Variants in CYP3A4 observed in about 807,000 individuals in gnomAD.
The protein encoded by CYP3A4 is cytochrome P450 family 3 subfamily A member 4.
Under a neutral mutation model 54.9 loss-of-function variants are expected in CYP3A4, and 41 were observed. That is an observed-to-expected ratio of 0.75 (90% CI 0.58 to 0.97). The LOEUF (loss-of-function observed/expected upper bound fraction) is 0.97. Among genes scored for constraint, CYP3A4 ranks in the 50% least tolerant of loss-of-function variants. The probability of loss-of-function intolerance (pLI) is 0.00; values close to 1 mark genes in which losing one functional copy is unlikely to be tolerated. For missense variants in CYP3A4, 510 were observed against 597.3 expected, an observed-to-expected ratio of 0.85 and a Z score of 1.52; for synonymous variants, 179 against 205.2, an observed-to-expected ratio of 0.87 and a Z score of 1.09.
At chr7:99,761,377 T>TGTC (rs1424311129) in intron 11 of CYP3A4, among the ~76,000 whole-genome samples, 2 of 152,056 alleles carry the variant, frequency 1.3e-5, no homozygotes, top group Non-Finnish European at 2.9e-5. Context: ...AAGGGGAAAT[T>TGTC]GTCTTGTACT....
In CYP3A4 at chr7:99,766,375, A is replaced by G. The variant is rs1327039307; in HGVS notation, c.865+2T>C. 1.2e-6 allele frequency: 2 copies of G among 1,613,576 alleles called. No homozygotes were observed. ...AGTAGCCCTCAGAAACACTCTGGTT[A>G]CCTTTGTGGGACTCAGTTTCTTTTG... On this transcript the variant is annotated splice_donor_variant, in intron 9 of 12. Transcript: ENST00000651514. LOFTEE classifies it high-confidence loss of function.
Position 99,767,237 on chromosome 7 carries a change from G to T in CYP3A4, c.692C>A (p.Pro231Gln). 1 of 1,598,650 alleles carries T rather than the reference G, an allele frequency of 6.3e-7. No homozygotes were observed. The highest frequency in any genetic ancestry group is 1.1e-5 in the South Asian group (1 of 87,192). Residue 231 changes from proline (P) to glutamine (Q), a missense_variant, in exon 8 of 13, where the codon CCA (proline) becomes CAA (glutamine). By Grantham distance (76) the Pro-to-Gln change is moderately conservative. Around this residue, in one of 2 missense-constraint regions of CYP3A4, gnomAD observed 272 missense variants for 274.9 expected, o/e 0.99. Coordinates refer to ENST00000651514, the MANE Select transcript of CYP3A4 (RefSeq NM_017460.6). ...ACAGATATTTAATACTTCAAGAATT[G>T]GGATGAGGAATGGAAAGACTGCTGT... ...LSITVFPFLI[P>Q]ILEVLNICVF... is the part of the protein sequence containing the mutation.
chr7:99,783,810 T>C (rs572148458), intron 1 of CYP3A4, among the ~76,000 whole-genome samples: 20 of 152,216 alleles, frequency 1.3e-4, no homozygotes, highest in Admixed American at 5.9e-4. Flanking sequence ...AGTTTCACCA[T>C]GTTAGCCAGG....
chr7:99,758,363 G>T, intron 12 of CYP3A4, 135 bp from the exon 13 acceptor site: 1 of 1,007,030 alleles, frequency 9.9e-7, no homozygotes, highest in Non-Finnish European at 1.5e-6. Context: ...ATGGAGTAAT[G>T]GGCAAAAAAA....
In CYP3A4 at chr7:99,757,266, G is replaced by A. The variant is rs1815198318; in HGVS notation, c.*867C>T. 6.6e-6 allele frequency: 1 copy of A among 152,318 alleles called. No homozygotes were observed. The highest frequency in any genetic ancestry group is 1.9e-4 in the East Asian group (1 of 5,184). 9.4% of individuals were successfully genotyped at this position (152,318 alleles called of 1,614,324 possible). ...GCTCACTTCAACATCCGCCTCCCAG[G>A]TTCAAGTGATTCTCCTGCCTCAGCC... On this transcript the variant is annotated 3_prime_UTR_variant, in exon 13 of 13. Coordinates refer to ENST00000651514, the MANE Select transcript of CYP3A4 (RefSeq NM_017460.6).
Position 99,758,115 on chromosome 7 carries a change from A to T in CYP3A4, c.*18T>A, listed in dbSNP as rs372534674. ...GCACAGATTTCTTGAAGAGCAAAGCAGAAGTCCTTAGGAAAATTCAGGCTC... is the reference window on the plus strand; with the variant it reads ...GCACAGATTTCTTGAAGAGCAAAGCTGAAGTCCTTAGGAAAATTCAGGCTC... On this transcript the variant is annotated 3_prime_UTR_variant, in exon 13 of 13. Transcript: ENST00000651514. The T allele has an allele frequency of 2.5e-6, 4 of 1,603,586 alleles. No individual in the cohort carries two copies. The highest frequency in any genetic ancestry group is 3.4e-6 in the Non-Finnish European group (4 of 1,170,572).
intron 12 of CYP3A4, among the ~76,000 whole-genome samples, chr7:99,759,070 G>A (rs139200691): frequency 9.3e-4 from 141 of 152,326 alleles, no homozygotes; most frequent in South Asian, 2.9e-3. Context: ...AGGTGTGCCA[G>A]AGGACCACTT....
At chr7:99,759,179 T>C (rs1323259126) in intron 12 of CYP3A4, among the ~76,000 whole-genome samples, 1 of 152,208 alleles carries the variant, frequency 6.6e-6, no homozygotes, top group Non-Finnish European at 1.5e-5. Flanking sequence ...ATATGGAAAC[T>C]ATTTCTGTCT....
intron 1 of CYP3A4, among the ~76,000 whole-genome samples, chr7:99,781,585 T>C (rs1815926464): frequency 6.6e-6 from 1 of 152,178 alleles, no homozygotes; most frequent in Non-Finnish European, 1.5e-5. Context: ...GTTGGAAGAC[T>C]GGAGGAAGAA....
At chr7:99,768,221 CAT>C (rs1815524426) in intron 7 of CYP3A4, 131 bp downstream of exon 7, 2 of 1,072,140 alleles carry the variant, frequency 1.9e-6, no homozygotes, top group East Asian at 2.6e-5. Context: ...GATGGTCACA[CAT>C]ATCTTCAAAT....
chr7:99,773,716 T>C (rs1815690113), intron 3 of CYP3A4, among the ~76,000 whole-genome samples: 1 of 152,206 alleles, frequency 6.6e-6, no homozygotes, highest in African/African-American at 2.4e-5. Context: ...GGGAAATTTA[T>C]AGCATTAAAT....
chr7:99,774,417 A>G (rs775551408), intron 3 of CYP3A4, among the ~76,000 whole-genome samples: 32 of 152,238 alleles, frequency 2.1e-4, no homozygotes, highest in Admixed American at 3.9e-4. Context: ...AATATCCCTA[A>G]AGAATATCGA....
chr7:99,758,388 A>G (rs1308818969), intron 12 of CYP3A4, among the ~76,000 whole-genome samples, 160 bp from the exon 13 acceptor site: 2 of 152,178 alleles, frequency 1.3e-5, no homozygotes, highest in African/African-American at 4.8e-5. Context: ...AGTAATGACA[A>G]TAATGCTTTG....
chr7:99,783,328 G>A lies in CYP3A4; in HGVS notation c.71+683C>T, dbSNP rs28988572. 3.5e-4 allele frequency among the ~76,000 whole-genome samples: 54 copies of A among 152,164 alleles called. 1 individual carries two copies. In the South Asian group the frequency reaches 5.2e-3, roughly 15 times the overall value. Reference sequence around the variant, plus strand: ...ATCCTCTTCTACTGCAACATAAAGGGGAAAATGTAAAATCCAAATTCTAGT... The same window carrying A: ...ATCCTCTTCTACTGCAACATAAAGGAGAAAATGTAAAATCCAAATTCTAGT... On this transcript the variant is annotated intron_variant, in intron 1 of 12. Coordinates refer to ENST00000651514, the MANE Select transcript of CYP3A4 (RefSeq NM_017460.6).
At chr7:99,776,007 A>G (rs1215519945) in intron 3 of CYP3A4, among the ~76,000 whole-genome samples, 1 of 152,328 alleles carries the variant, frequency 6.6e-6, no homozygotes, top group African/African-American at 2.4e-5. Flanking sequence ...AAAAAAAGCA[A>G]ACAACCCCAT....
rs1428974772 is a variant in CYP3A4 at position 99,758,320 on chromosome 7, G to A, written c.1417-92C>T. 4 of 1,406,564 alleles carry A rather than the reference G, an allele frequency of 2.8e-6. No homozygotes were observed. The African/African-American group carries it at 4.2e-5, about 15-fold the overall frequency. The allele number at this position is 1,406,564 out of a possible 1,614,324, so 87.1% of individuals were successfully genotyped here. Reference sequence around the variant, plus strand: ...GTGAGTGAGACACTCCTTCAGTGTTGAGGGGACACAACAGAGTGATATTCT... The same window carrying A: ...GTGAGTGAGACACTCCTTCAGTGTTAAGGGGACACAACAGAGTGATATTCT... On this transcript the variant is annotated intron_variant, in intron 12 of 12. Coordinates refer to ENST00000651514, the MANE Select transcript of CYP3A4 (RefSeq NM_017460.6).
intron 3 of CYP3A4, among the ~76,000 whole-genome samples, chr7:99,774,425 C>T (rs565087119): frequency 1.8e-4 from 28 of 152,154 alleles, no homozygotes; most frequent in South Asian, 1.5e-3. Flanking sequence ...TAAAGAATAT[C>T]GATGCGAAAA....
chr7:99,782,329 CTGTT>C (rs1164670449), intron 1 of CYP3A4, among the ~76,000 whole-genome samples: 2 of 152,172 alleles, frequency 1.3e-5, no homozygotes, highest in Non-Finnish European at 2.9e-5. Flanking sequence ...CAGCTCCCCT[CTGTT>C]TGGTAGAGTA....
At chr7:99,779,950 G>T in intron 2 of CYP3A4, 42 bp downstream of exon 2, 1 of 1,565,046 alleles carries the variant, frequency 6.4e-7, no homozygotes, top group Non-Finnish European at 8.8e-7. Context: ...AGCTGCTCTT[G>T]GCAATCATAA....
Sources: gnomAD v4.1 joint callset for allele counts (sites outside exome capture counted in the v4.1 genomes callset) on GRCh38, gnomAD v4.1.1 for gene constraint, gnomAD v4.1.1 regional missense constraint, MANE v1.5 for transcripts, NCBI Gene and HGNC (gene_info 2026-07-23, HGNC 2026-07-21) for gene names.